Variants in SLCO3A1 observed in about 807,000 individuals in gnomAD.
The protein encoded by SLCO3A1 is solute carrier organic anion transporter family member 3A1, also known as PGE1 transporter.
Under a neutral mutation model 63.1 loss-of-function variants are expected in SLCO3A1, and 27 were observed. The ratio of observed to expected loss-of-function variants is 0.43; its 90% confidence interval spans 0.32 to 0.59. The LOEUF (loss-of-function observed/expected upper bound fraction) is 0.59. Ranked by LOEUF, SLCO3A1 falls within the 20% of genes least tolerant of loss-of-function variation. SLCO3A1 has a pLI of 0.09. For missense variants in SLCO3A1, 773 were observed against 945.8 expected (o/e 0.82, Z 2.40); for synonymous variants, 473 against 409.9 (o/e 1.15, Z -1.86).
chr15:92,150,476 C>G (rs905084093), intron 8 of SLCO3A1, among the ~76,000 whole-genome samples: 2 of 152,162 alleles, frequency 1.3e-5, no homozygotes, highest in Non-Finnish European at 2.9e-5. Flanking sequence ...TCCAGGGTGT[C>G]TAACCATGCT....
At chr15:91,980,005 T>G (rs1196344778) in intron 2 of SLCO3A1, among the ~76,000 whole-genome samples, 1 of 152,208 alleles carries the variant, frequency 6.6e-6, no homozygotes, top group African/African-American at 2.4e-5. Context: ...AAAATGAATC[T>G]AGAGCTTCAC....
chr15:91,903,017 A>G (rs1299591731), intron 1 of SLCO3A1, among the ~76,000 whole-genome samples: 2 of 152,358 alleles, frequency 1.3e-5, no homozygotes, highest in East Asian at 1.9e-4. Context: ...CTGCAAATGC[A>G]ATATGTTAGC....
At chr15:92,025,362 A>G (rs142587379) in intron 2 of SLCO3A1, among the ~76,000 whole-genome samples, 3 of 152,130 alleles carry the variant, frequency 2.0e-5, no homozygotes, top group African/African-American at 4.8e-5. Flanking sequence ...ATGATACTTC[A>G]TAGGGTTCTT....
chr15:91,969,397 C>T (rs1028206123), intron 2 of SLCO3A1, among the ~76,000 whole-genome samples: 2 of 151,980 alleles, frequency 1.3e-5, no homozygotes, highest in African/African-American at 4.8e-5. Flanking sequence ...CCTCCACCTC[C>T]TAGGTTCAAG....
In SLCO3A1 at chr15:92,067,693, C is replaced by A. The variant is rs1227478551; in HGVS notation, c.647-27188C>A. Among the ~76,000 whole-genome samples the A allele has an allele frequency of 3.3e-5, 5 of 152,232 alleles. No individual in the cohort carries two copies. In the East Asian group the frequency reaches 7.7e-4, roughly 23 times the overall value. ...ATGTCTAGAGCCAGAAGCGTCAGTG[C>A]AGACTACTCTTTGTGGTTTCCCTTG... On this transcript the variant is annotated intron_variant, in intron 2 of 9. Transcript: ENST00000318445.
chr15:92,053,330 G>A (rs2046980406), intron 2 of SLCO3A1, among the ~76,000 whole-genome samples: 2 of 152,240 alleles, frequency 1.3e-5, no homozygotes, highest in South Asian at 2.1e-4. Context: ...GAAGAGTTCT[G>A]AGGATAGCAC....
chr15:91,974,310 C>G (rs939991185), intron 2 of SLCO3A1, among the ~76,000 whole-genome samples: 1 of 116,106 alleles, frequency 8.6e-6, no homozygotes, highest in Non-Finnish European at 1.8e-5. Context: ...TTCTCTAAGC[C>G]TTCTTAGCAT....
At chr15:91,913,289 C>T (rs1305411123) in intron 1 of SLCO3A1, among the ~76,000 whole-genome samples, 2 of 152,246 alleles carry the variant, frequency 1.3e-5, no homozygotes, top group Non-Finnish European at 1.5e-5. Context: ...TAACCCTGCT[C>T]TGCAGAGCTT....
intron 2 of SLCO3A1, among the ~76,000 whole-genome samples, chr15:92,061,507 C>T (rs1054111057): frequency 1.3e-5 from 2 of 152,314 alleles, no homozygotes; most frequent in African/African-American, 4.8e-5. Flanking sequence ...ACTTCCCAAG[C>T]GTTTGTTCAC....
intron 6 of SLCO3A1, among the ~76,000 whole-genome samples, chr15:92,127,112 T>C (rs2047933797): frequency 6.6e-6 from 1 of 152,234 alleles, no homozygotes; most frequent in Non-Finnish European, 1.5e-5. Flanking sequence ...TGTATGTCTG[T>C]GTACAATCCA....
chr15:91,988,264 G>A (rs1373721079), intron 2 of SLCO3A1, among the ~76,000 whole-genome samples: 2 of 151,994 alleles, frequency 1.3e-5, no homozygotes, highest in South Asian at 2.1e-4. Context: ...GGGCATGGTG[G>A]GGGGAGGAGG....
rs1347771228 is a variant in SLCO3A1, at chr15:92,033,486, C to T, written c.647-61395C>T. ...GTGAAAACCTAAAGGGAACTAAATG[C>T]CGAGACGGTGGGCAAAGGAGAACGA... On this transcript the variant is annotated intron_variant, in intron 2 of 9. Transcript: ENST00000318445. The surrounding 1 kb of genome is among the most constrained non-coding windows in gnomAD (Gnocchi z 4.5). Among the ~76,000 whole-genome samples, 1 of 152,168 alleles carries T rather than the reference C, an allele frequency of 6.6e-6. No individual in the cohort carries two copies. Among genetic ancestry groups the T allele is most frequent in the Non-Finnish European group, 1.5e-5 (1 of 68,018 alleles).
chr15:91,957,590 G>A (rs1163749444), intron 2 of SLCO3A1, among the ~76,000 whole-genome samples: 2 of 152,008 alleles, frequency 1.3e-5, no homozygotes, highest in East Asian at 1.9e-4. Flanking sequence ...CCCTCTACCT[G>A]GTTCACTTTC....
intron 2 of SLCO3A1, among the ~76,000 whole-genome samples, chr15:92,007,559 G>A (rs1278210552): frequency 6.6e-6 from 1 of 152,170 alleles, no homozygotes; most frequent in Non-Finnish European, 1.5e-5. Flanking sequence ...AAGGGCTTGG[G>A]TTGTATGTAC....
At position 92,165,073 on chromosome 15, in the gene SLCO3A1, C is replaced by T. The variant is rs7496880; in HGVS notation, c.*1938C>T. On this transcript the variant is annotated 3_prime_UTR_variant, in exon 10 of 10. Coordinates refer to ENST00000318445, the MANE Select transcript of SLCO3A1 (RefSeq NM_013272.4). ...GTTGGGAGTGGGACAGGTATGGTAC[C>T]GAATTTTTAATGAACATTGTAAATG... 618,393 of 984,936 alleles carry T rather than the reference C, an allele frequency of 0.63. 195,314 individuals carry two copies. The highest frequency in any genetic ancestry group is 0.74 in the Middle Eastern group (1,409 of 1,914). 61.0% of individuals were successfully genotyped at this position (984,936 alleles called of 1,614,324 possible).
chr15:91,861,629 C>T (rs1053592608), intron 1 of SLCO3A1, among the ~76,000 whole-genome samples: 1 of 152,080 alleles, frequency 6.6e-6, no homozygotes, highest in African/African-American at 2.4e-5. Context: ...CCATAAGCCC[C>T]ACTTTTGTTG....
At chr15:92,108,659 C>T (rs560921408) in intron 4 of SLCO3A1, among the ~76,000 whole-genome samples, 89 of 152,302 alleles carry the variant, frequency 5.8e-4, no homozygotes, top group South Asian at 1.7e-3. Context: ...ATGGACATGA[C>T]GAGGGTCTCT....
At chr15:92,146,616 G>A (rs757896744) in intron 7 of SLCO3A1, among the ~76,000 whole-genome samples, 1 of 152,136 alleles carries the variant, frequency 6.6e-6, no homozygotes, top group African/African-American at 2.4e-5. Flanking sequence ...ATAAAAGAGA[G>A]GACAAATTGG....
intron 2 of SLCO3A1, among the ~76,000 whole-genome samples, chr15:92,064,432 GC>G (rs11284612): frequency 0.66 from 99,885 of 151,930 alleles, 33,345 homozygotes; most frequent in Admixed American, 0.79. Context: ...CTGTGCAGAA[GC>G]TTTTTAGCTT....
Sources: allele counts gnomAD v4.1 joint callset (sites outside exome capture counted in the v4.1 genomes callset), GRCh38; gene constraint gnomAD v4.1.1; non-coding constraint Gnocchi (gnomAD v3.1); transcripts MANE v1.5; gene names NCBI Gene and HGNC (gene_info 2026-07-23, HGNC 2026-07-21).